Variants in FILIP1L observed in about 807,000 individuals in gnomAD.
The protein encoded by FILIP1L is filamin A interacting protein 1 like, also known as filamin A-interacting protein 1-like.
Under a neutral mutation model 96.6 loss-of-function variants are expected in FILIP1L, and 55 were observed. The observed-to-expected ratio is 0.57, with a 90% CI of 0.46 to 0.71. FILIP1L has a LOEUF of 0.71. FILIP1L is among the 30% of genes least tolerant of loss of function. The pLI, the probability that FILIP1L is intolerant of heterozygous loss-of-function variation, is 0.00. For synonymous variants in FILIP1L, 467 were observed against 473.9 expected (o/e 0.99, Z 0.19); for missense variants, 1,304 against 1,321.2 (o/e 0.99, Z 0.20).
chr3:99,863,330 C>T (rs766141499), intron 4 of FILIP1L, among the ~76,000 whole-genome samples: 71 of 152,280 alleles, frequency 4.7e-4, no homozygotes, highest in Non-Finnish European at 7.8e-4. Flanking sequence ...TCACCTCCTG[C>T]TATGTGACCC....
intron 1 of FILIP1L, among the ~76,000 whole-genome samples, chr3:99,960,414 T>C (rs1708456271): frequency 6.6e-6 from 1 of 152,152 alleles, no homozygotes; most frequent in Admixed American, 6.5e-5. Context: ...CAGCTGCTCC[T>C]CAATTAGGCA....
chr3:99,849,890 C>T lies in FILIP1L; in HGVS notation c.1786G>A (p.Glu596Lys). Residue 596 changes from glutamate (E) to lysine (K), a missense_variant, in exon 5 of 6, where the codon GAA becomes AAA. Coordinates refer to ENST00000477258, the MANE Select transcript of FILIP1L (RefSeq NM_001387850.1). ...TTTAGGAAATCTTTCTCAATTGCTT[C>T]CAATGATTGAAGCCTATTTTTCAAC... The part of the protein sequence containing the change: ...NMLKNRLQSL[E>K]AIEKDFLKNK... 6.2e-7 allele frequency: 1 copy of T among 1,611,884 alleles called. No individual in the cohort carries two copies. Among genetic ancestry groups the T allele is most frequent in the Non-Finnish European group, 8.5e-7 (1 of 1,179,616 alleles).
At chr3:99,896,341 A>G (rs1706251677) in intron 4 of FILIP1L, among the ~76,000 whole-genome samples, 1 of 152,228 alleles carries the variant, frequency 6.6e-6, no homozygotes, top group East Asian at 1.9e-4. Context: ...TTAGCCACAT[A>G]ATTGGTATGC....
In FILIP1L at chr3:99,989,680, A is replaced by T. The variant is rs548312016; in HGVS notation, c.-10-58650T>A. Reference sequence around the variant, plus strand: ...TATCTTCCTCTATATATATATATATATATATTTTTTTTCTTTTTTTTGCAG... The same window carrying T: ...TATCTTCCTCTATATATATATATATTTATATTTTTTTTCTTTTTTTTGCAG... On this transcript the variant is annotated intron_variant, in intron 1 of 5. Transcript: ENST00000477258. 2.7e-3 allele frequency among the ~76,000 whole-genome samples: 354 copies of T among 133,548 alleles called. 1 individual carries two copies. Among genetic ancestry groups the T allele is most frequent in the South Asian group, 5.7e-3 (24 of 4,234 alleles). The allele number at this position is 133,548 out of a possible 152,430, so 87.6% of individuals were successfully genotyped here. A position where few individuals can be genotyped will look rare whatever the true frequency, so the allele number is the denominator to read the frequency against.
intron 4 of FILIP1L, among the ~76,000 whole-genome samples, chr3:99,889,207 A>C (rs1532219): frequency 6.6e-6 from 1 of 151,700 alleles, no homozygotes; most frequent in South Asian, 2.1e-4. Flanking sequence ...GATGTGCTGT[A>C]CTCTCCCACT....
At chr3:100,017,797 G>C (rs565760258) in intron 1 of FILIP1L, among the ~76,000 whole-genome samples, 5 of 152,104 alleles carry the variant, frequency 3.3e-5, no homozygotes, top group Non-Finnish European at 5.9e-5. Flanking sequence ...GGTCTTCTCC[G>C]ACCTTCAGTG....
chr3:100,046,187 G>T (rs2065276267), intron 1 of FILIP1L, among the ~76,000 whole-genome samples: 1 of 152,082 alleles, frequency 6.6e-6, no homozygotes, highest in Non-Finnish European at 1.5e-5. Flanking sequence ...ATAACTCTAT[G>T]AATCTAATCC....
At chr3:99,984,273 C>G (rs1709267022) in intron 1 of FILIP1L, among the ~76,000 whole-genome samples, 1 of 152,038 alleles carries the variant, frequency 6.6e-6, no homozygotes, top group Non-Finnish European at 1.5e-5. Context: ...TGTAGAGTGT[C>G]CTGTCAAACA....
chr3:99,957,693 C>CTTTTTTTTTTTTT (rs779350496), intron 1 of FILIP1L, among the ~76,000 whole-genome samples: 438 of 19,828 alleles, frequency 0.022, 90 homozygotes, highest in Non-Finnish European at 0.031. Flanking sequence ...TTCTTTCTTT[C>CTTTTTTTTTTTTT]TTTTTTTTTT....
At position 99,931,004 on chromosome 3, in the gene FILIP1L, C is replaced by T; in HGVS notation, c.17G>A (p.Ser6Asn). MRSRG[S>N]DTEGSAQKKF... ...CTTTTGGGCTGAGCCCTCGGTATCA[C>T]TGCCTCTGGAACGCATTCTTTAAAG... The change falls in exon 2 of 6, where the codon AGT (serine) becomes AAT (asparagine). Residue 6 changes from serine to asparagine, a missense_variant. Ser to Asn is a conservative substitution (Grantham distance 46). Transcript: ENST00000477258. The T allele has an allele frequency of 6.2e-7, 1 of 1,613,766 alleles. No homozygotes were observed. Among genetic ancestry groups the T allele is most frequent in the Non-Finnish European group, 8.5e-7 (1 of 1,179,924 alleles).
At chr3:99,937,827 T>C (rs1449564688) in intron 1 of FILIP1L, among the ~76,000 whole-genome samples, 2 of 152,208 alleles carry the variant, frequency 1.3e-5, no homozygotes, top group African/African-American at 4.8e-5. Context: ...AGTAGCTGTG[T>C]ATAGACCTCT....
At chr3:99,981,309 G>T (rs1709116295) in intron 1 of FILIP1L, among the ~76,000 whole-genome samples, 1 of 152,148 alleles carries the variant, frequency 6.6e-6, no homozygotes, top group Non-Finnish European at 1.5e-5. Context: ...AAGCTCTGAT[G>T]TCACATCTTA....
At chr3:99,947,461 C>G (rs1708045976) in intron 1 of FILIP1L, among the ~76,000 whole-genome samples, 1 of 152,040 alleles carries the variant, frequency 6.6e-6, no homozygotes, top group Admixed American at 6.6e-5. Flanking sequence ...TCCTTCCTGC[C>G]CCACCCCCTT....
At chr3:99,981,385 C>T (rs1487831896) in intron 1 of FILIP1L, among the ~76,000 whole-genome samples, 1 of 152,152 alleles carries the variant, frequency 6.6e-6, no homozygotes, top group South Asian at 2.1e-4. Flanking sequence ...TCTGTGGGAT[C>T]CATGTGTGTC....
intron 1 of FILIP1L, among the ~76,000 whole-genome samples, chr3:99,940,601 A>G (rs1435486354): frequency 6.6e-6 from 1 of 152,242 alleles, no homozygotes; most frequent in Non-Finnish European, 1.5e-5. Flanking sequence ...TTTCCATTGT[A>G]TCACTTCTTG....
At chr3:100,076,433 A>T (rs906187456) in intron 1 of FILIP1L, among the ~76,000 whole-genome samples, 1 of 152,206 alleles carries the variant, frequency 6.6e-6, no homozygotes, top group Non-Finnish European at 1.5e-5. Flanking sequence ...CATTGTCAGC[A>T]TGTGCTGAGC....
Position 99,850,075 on chromosome 3 carries a change from G to A in FILIP1L, c.1601C>T (p.Thr534Ile), listed in dbSNP as rs1182538686. The part of the protein sequence containing the change: ...QLQVEQNKVT[T>I]VTEKLIEETK... ...TTCCTCAATTAACTTCTCAGTAACT[G>A]TTGTTACTTTATTTTGCTCCACTTG... The change falls in exon 5 of 6, where the codon ACA becomes ATA. Residue 534 changes from threonine to isoleucine, a missense_variant. Thr to Ile is a moderately conservative substitution (Grantham distance 89, BLOSUM62 -1). Transcript: ENST00000477258. 2.5e-6 allele frequency: 4 copies of A among 1,612,600 alleles called. No individual in the cohort carries two copies. The highest frequency in any genetic ancestry group is 1.1e-5 in the South Asian group (1 of 90,570).
intron 1 of FILIP1L, among the ~76,000 whole-genome samples, chr3:100,014,124 C>G (rs916087549): frequency 2.0e-5 from 3 of 151,292 alleles, no homozygotes; most frequent in Non-Finnish European, 2.9e-5. Context: ...CCTCCAGGTT[C>G]ATCCACATTG....
At chr3:99,951,560 T>C (rs1344010491) in intron 1 of FILIP1L, among the ~76,000 whole-genome samples, 1 of 152,178 alleles carries the variant, frequency 6.6e-6, no homozygotes, top group African/African-American at 2.4e-5. Flanking sequence ...CTCTGTGAGA[T>C]AGTAGACTAA....
Sources: gnomAD v4.1 joint callset for allele counts (sites outside exome capture counted in the v4.1 genomes callset) on GRCh38, gnomAD v4.1.1 for gene constraint, MANE v1.5 for transcripts, NCBI Gene and HGNC (gene_info 2026-07-23, HGNC 2026-07-21) for gene names.